Variants in NLGN1 observed in about 807,000 individuals in gnomAD.
NLGN1 encodes the protein neuroligin-1.
NLGN1 carries 12 observed loss-of-function variants against 65.5 expected under a neutral mutation model. The ratio of observed to expected loss-of-function variants is 0.18; its 90% CI spans 0.12 to 0.30. The LOEUF (loss-of-function observed/expected upper bound fraction) is 0.30. Ranked by LOEUF, NLGN1 falls within the 10% of genes least tolerant of loss-of-function variation. NLGN1 has a pLI of 1.00. For missense variants in NLGN1, 750 were observed against 1,007.1 expected, an observed-to-expected ratio of 0.74 and a Z score of 3.46; for synonymous variants, 350 against 359.5, an observed-to-expected ratio of 0.97 and a Z score of 0.30.
chr3:173,858,303 T>C (rs531969772), intron 4 of NLGN1, among the ~76,000 whole-genome samples: 2 of 152,204 alleles, frequency 1.3e-5, no homozygotes, highest in South Asian at 4.1e-4. Context: ...TGCCTTGGAC[T>C]GAGTCATATA....
intron 3 of NLGN1, among the ~76,000 whole-genome samples, chr3:173,751,716 A>G (rs1036801315): frequency 2.6e-5 from 4 of 152,096 alleles, no homozygotes; most frequent in South Asian, 2.1e-4. Flanking sequence ...CAGCAAAACC[A>G]TAGAATGTGA....
In NLGN1 at chr3:173,802,801, C is replaced by A. The variant is rs181801534; in HGVS notation, c.494-4879C>A. ...GCCACTGAATTGCAAGGCCACTGGCCATATTCCTGGGTATACAAAAAGATA... is the reference window on the plus strand; with the variant it reads ...GCCACTGAATTGCAAGGCCACTGGCAATATTCCTGGGTATACAAAAAGATA... On this transcript the variant is annotated intron_variant, in intron 3 of 6. Transcript: ENST00000457714. Among the ~76,000 whole-genome samples, 477 of 151,966 alleles carry A rather than the reference C, an allele frequency of 3.1e-3. 16 individuals are homozygous for A. The highest frequency in any genetic ancestry group is 0.029 in the Admixed American group (440 of 15,258).
At chr3:173,790,471 A>T (rs1047224411) in intron 3 of NLGN1, among the ~76,000 whole-genome samples, 5 of 152,164 alleles carry the variant, frequency 3.3e-5, no homozygotes, top group Admixed American at 2.6e-4. Flanking sequence ...ATCAGGCATT[A>T]TACTAGGTAT....
At chr3:173,766,030 A>G (rs1778733881) in intron 3 of NLGN1, among the ~76,000 whole-genome samples, 1 of 151,586 alleles carries the variant, frequency 6.6e-6, no homozygotes, top group Admixed American at 6.6e-5. Flanking sequence ...ACATATTATT[A>G]TATGGATGCA....
intron 5 of NLGN1, among the ~76,000 whole-genome samples, chr3:174,275,758 A>T (rs1226373880): frequency 6.6e-6 from 1 of 151,902 alleles, no homozygotes; most frequent in Non-Finnish European, 1.5e-5. Flanking sequence ...ACTTCAGAAT[A>T]GTTAGCATTA....
intron 4 of NLGN1, among the ~76,000 whole-genome samples, chr3:174,186,733 C>A (rs1335607864): frequency 6.6e-6 from 1 of 151,980 alleles, no homozygotes; most frequent in Non-Finnish European, 1.5e-5. Flanking sequence ...TTATACTTGT[C>A]ATTCTAAAGA....
intron 4 of NLGN1, among the ~76,000 whole-genome samples, chr3:173,960,828 T>C (rs1713370563): frequency 6.6e-6 from 1 of 152,014 alleles, no homozygotes; most frequent in Non-Finnish European, 1.5e-5. Flanking sequence ...AGGGTTTATC[T>C]TTATATAGTT....
Position 173,604,455 on chromosome 3 carries a change from G to C in NLGN1, c.-144G>C, listed in dbSNP as rs1751045752. ...GTGAAATCAATGGGAGATATCTGCT[G>C]TCTGAAGATCTTTCAGAGCTTTTCT... On this transcript the variant is annotated 5_prime_UTR_variant, in exon 3 of 7. Transcript: ENST00000457714. The C allele has an allele frequency of 7.4e-6, 6 of 814,602 alleles. No homozygotes were observed. In the South Asian group the frequency reaches 8.3e-5, roughly 11 times the overall value. The allele number at this position is 814,602 out of a possible 1,614,324, so 50.5% of individuals were successfully genotyped here.
At chr3:173,952,039 A>C (rs914233525) in intron 4 of NLGN1, among the ~76,000 whole-genome samples, 2 of 152,142 alleles carry the variant, frequency 1.3e-5, no homozygotes, top group African/African-American at 4.8e-5. Context: ...TGTAGCCAGC[A>C]TTATTTCCCT....
At chr3:174,207,292 A>G (rs1296025645) in intron 4 of NLGN1, among the ~76,000 whole-genome samples, 1 of 151,636 alleles carries the variant, frequency 6.6e-6, no homozygotes, top group African/African-American at 2.4e-5. Context: ...CTCTCTCCCC[A>G]TTGTATCTCC....
At chr3:174,243,540 A>G (rs977098251) in intron 4 of NLGN1, among the ~76,000 whole-genome samples, 1 of 152,154 alleles carries the variant, frequency 6.6e-6, no homozygotes, top group Non-Finnish European at 1.5e-5. Flanking sequence ...CTTTCTTACA[A>G]AATCTTAAAA....
chr3:174,036,757 C>G lies in NLGN1; in HGVS notation c.646+228925C>G, dbSNP rs559702078. ...TTTCAGATCCTCTCCCTCTGCCCAC[C>G]CTGTGCCCTCCAATAGACCCCAGTG... On this transcript the variant is annotated intron_variant, in intron 4 of 6. Transcript: ENST00000457714. Among the ~76,000 whole-genome samples, 37 of 152,066 alleles carry G rather than the reference C, an allele frequency of 2.4e-4. 1 individual carries two copies. In the South Asian group the frequency reaches 7.5e-3, roughly 31 times the overall value.
intron 4 of NLGN1, among the ~76,000 whole-genome samples, chr3:174,010,836 A>T (rs926818239): frequency 2.0e-5 from 3 of 152,166 alleles, no homozygotes; most frequent in Admixed American, 1.3e-4. Context: ...AGCCTAGAAA[A>T]ATTAATATCA....
chr3:173,629,653 T>G (rs1415233175), intron 3 of NLGN1, among the ~76,000 whole-genome samples: 1 of 152,136 alleles, frequency 6.6e-6, no homozygotes, highest in African/African-American at 2.4e-5. Flanking sequence ...GACAAAGGGC[T>G]TTTAGCAAGT....
chr3:173,884,981 G>A (rs1734068138), intron 4 of NLGN1, among the ~76,000 whole-genome samples: 1 of 151,980 alleles, frequency 6.6e-6, no homozygotes, highest in African/African-American at 2.4e-5. Context: ...TTTATAGGTT[G>A]CTGATCTCAT....
intron 3 of NLGN1, among the ~76,000 whole-genome samples, chr3:173,786,073 A>G (rs1412144748): frequency 6.6e-6 from 1 of 152,144 alleles, no homozygotes; most frequent in African/African-American, 2.4e-5. Flanking sequence ...CTCTACCCTG[A>G]CCAACCTCAG....
chr3:174,162,439 T>G (rs73168455), intron 4 of NLGN1, among the ~76,000 whole-genome samples: 1 of 152,074 alleles, frequency 6.6e-6, no homozygotes, highest in Non-Finnish European at 1.5e-5. Context: ...GGCTCAAGTT[T>G]GAGAGCAGTT....
chr3:173,853,211 C>T (rs1252934141), intron 4 of NLGN1, among the ~76,000 whole-genome samples: 1 of 152,140 alleles, frequency 6.6e-6, no homozygotes, highest in Non-Finnish European at 1.5e-5. Flanking sequence ...ATGACAAATG[C>T]TACTTTTATA....
chr3:173,605,249 G>C (rs1032396881), intron 3 of NLGN1, among the ~76,000 whole-genome samples, 158 bp downstream of exon 2: 2 of 152,030 alleles, frequency 1.3e-5, no homozygotes, highest in Non-Finnish European at 1.5e-5. Flanking sequence ...TTTTGTTTAT[G>C]TGTGTCAGTG....
Sources: allele counts gnomAD v4.1 joint callset (sites outside exome capture counted in the v4.1 genomes callset), GRCh38; gene constraint gnomAD v4.1.1; transcripts MANE v1.5; gene names NCBI Gene and HGNC (gene_info 2026-07-23, HGNC 2026-07-21).